NRXN3: variants seen among roughly 807,000 people sequenced by gnomAD.
NRXN3 encodes the protein neurexin III.
A neutral mutation model predicts 137.6 loss-of-function variants in NRXN3; 32 were observed. The ratio of observed to expected loss-of-function variants is 0.23; its 90% CI spans 0.18 to 0.31. NRXN3 has a LOEUF of 0.31. Among genes scored for constraint, NRXN3 ranks in the 10% least tolerant of loss-of-function variants. The pLI, the probability that NRXN3 is intolerant of heterozygous loss-of-function variation, is 1.00. For synonymous variants in NRXN3, 798 were observed against 784.5 expected (o/e 1.02, Z -0.29); for missense variants, 1,574 against 2,062.5 (o/e 0.76, Z 4.59).
chr14:79,127,098 G>C (rs1416003483), intron 15 of NRXN3, among the ~76,000 whole-genome samples: 3 of 152,006 alleles, frequency 2.0e-5, no homozygotes, highest in Admixed American at 6.6e-5. Flanking sequence ...TGAGTAGGTT[G>C]CGAAAATTTT....
At chr14:78,528,456 G>C (rs368026202) in intron 4 of NRXN3, among the ~76,000 whole-genome samples, 15 of 152,234 alleles carry the variant, frequency 9.9e-5, no homozygotes, top group African/African-American at 3.6e-4. Context: ...AGTGCGGGAT[G>C]GTTGTTTTAT....
chr14:78,961,734 A>G (rs1219874855), intron 11 of NRXN3, among the ~76,000 whole-genome samples: 1 of 152,230 alleles, frequency 6.6e-6, no homozygotes, highest in African/African-American at 2.4e-5. Context: ...AGCAGAATGC[A>G]AAGTCAGGCA....
rs78397792 is a variant in NRXN3, at chr14:79,050,232, G to A, written c.3262+62091G>A. 3.1e-3 allele frequency among the ~76,000 whole-genome samples: 474 copies of A among 152,124 alleles called. 1 individual carries two copies. Among genetic ancestry groups the A allele is most frequent in the African/African-American group, 0.011 (456 of 41,484 alleles). On this transcript the variant is annotated intron_variant, in intron 15 of 20. Transcript: ENST00000335750. ...ATGAATTGATGGCCCTTTATACTGC[G>A]GTTGGACTCTTCATTCAGATTTTTT...
intron 6 of NRXN3, among the ~76,000 whole-genome samples, chr14:78,658,124 T>C (rs1159516318): frequency 1.3e-5 from 2 of 152,190 alleles, no homozygotes; most frequent in African/African-American, 2.4e-5. Flanking sequence ...TAAATATTCC[T>C]TTTTCCTGTC....
chr14:79,474,063 G>A (rs187605740), intron 16 of NRXN3, among the ~76,000 whole-genome samples: 1 of 152,230 alleles, frequency 6.6e-6, no homozygotes, highest in East Asian at 1.9e-4. Flanking sequence ...GTTTTGAGAG[G>A]CAGCAAGCCA....
intron 10 of NRXN3, among the ~76,000 whole-genome samples, chr14:78,890,693 G>T (rs2099156465): frequency 6.6e-6 from 1 of 151,870 alleles, no homozygotes; most frequent in Non-Finnish European, 1.5e-5. Flanking sequence ...AAAAGGGAAG[G>T]TCCAATCCTA....
At chr14:79,379,725 T>C (rs938372813) in intron 15 of NRXN3, among the ~76,000 whole-genome samples, 13 of 152,156 alleles carry the variant, frequency 8.5e-5, no homozygotes, top group African/African-American at 2.7e-4. Flanking sequence ...GAGACTGGCA[T>C]GATGAGGCAA....
intron 19 of NRXN3, among the ~76,000 whole-genome samples, chr14:79,748,178 A>T (rs904410080): frequency 6.6e-6 from 1 of 151,856 alleles, no homozygotes; most frequent in Non-Finnish European, 1.5e-5. Context: ...CGTCCTGCAC[A>T]TGTAGCCTGG....
intron 15 of NRXN3, among the ~76,000 whole-genome samples, chr14:79,129,112 T>A (rs1447521002): frequency 6.6e-6 from 1 of 152,198 alleles, no homozygotes; most frequent in Non-Finnish European, 1.5e-5. Context: ...ATTTTGTTGA[T>A]CCTTTCAAAA....
At chr14:78,196,788 C>T (rs541501847) in intron 1 of NRXN3, among the ~76,000 whole-genome samples, 1 of 152,182 alleles carries the variant, frequency 6.6e-6, no homozygotes, top group Non-Finnish European at 1.5e-5. Context: ...GGAGGTCCAT[C>T]TTAGTTACAC....
chr14:79,526,148 A>G (rs2097117300), intron 16 of NRXN3, among the ~76,000 whole-genome samples: 1 of 152,146 alleles, frequency 6.6e-6, no homozygotes, highest in South Asian at 2.1e-4. Context: ...CCTGGGTTCA[A>G]GCAATTCTCC....
chr14:78,430,370 G>T (rs1262584663), intron 4 of NRXN3, among the ~76,000 whole-genome samples: 1 of 152,162 alleles, frequency 6.6e-6, no homozygotes, highest in Admixed American at 6.5e-5. Flanking sequence ...TATTTTTAGA[G>T]GCACTCTTCT....
At chr14:78,675,682 C>G (rs1456403923) in intron 6 of NRXN3, among the ~76,000 whole-genome samples, 1 of 152,154 alleles carries the variant, frequency 6.6e-6, no homozygotes, top group Non-Finnish European at 1.5e-5. Flanking sequence ...TCTAGTGTCA[C>G]AGGAAACAAC....
chr14:78,203,050 G>A (rs1038855518), intron 1 of NRXN3, among the ~76,000 whole-genome samples: 1 of 152,074 alleles, frequency 6.6e-6, no homozygotes, highest in South Asian at 2.1e-4. Context: ...TCAATACATG[G>A]GCATGTCAAG....
chr14:78,607,372 A>T lies in NRXN3; in HGVS notation c.758-37748A>T, dbSNP rs117638117. On this transcript the variant is annotated intron_variant, in intron 4 of 20. Coordinates refer to ENST00000335750, the MANE Select transcript of NRXN3 (RefSeq NM_001330195.2). Reference sequence around the variant, plus strand: ...CTGGCTCCTTTATTAATCCTAAAGGACCAAGGTGTAAGAACTCAGGCAGGA... The same window carrying T: ...CTGGCTCCTTTATTAATCCTAAAGGTCCAAGGTGTAAGAACTCAGGCAGGA... Among the ~76,000 whole-genome samples, 1,117 of 152,244 alleles carry T rather than the reference A, an allele frequency of 7.3e-3. 10 individuals carry two copies. The highest frequency in any genetic ancestry group is 0.01 in the Non-Finnish European group (694 of 67,996).
At chr14:79,465,529 T>C (rs1346105065) in intron 15 of NRXN3, among the ~76,000 whole-genome samples, 1 of 152,226 alleles carries the variant, frequency 6.6e-6, no homozygotes, top group East Asian at 1.9e-4. Context: ...TAATGAGTCT[T>C]AGTGCTTTAG....
At chr14:79,133,953 GA>G (rs200338457) in intron 15 of NRXN3, among the ~76,000 whole-genome samples, 2,306 of 28,442 alleles carry the variant, frequency 0.081, 73 homozygotes, top group African/African-American at 0.2. Context: ...AAAAAAAAAG[GA>G]AAGAAAAAAG....
rs376220566 is a variant in NRXN3, at chr14:78,803,717, G to A, written c.2142G>A (p.Met714Ile). The change falls in exon 9 of 21, where the codon ATG becomes ATA. Residue 714 changes from methionine (M) to isoleucine (I), a missense_variant. By Grantham distance (10) the Met-to-Ile change is conservative. This residue lies in a region of NRXN3 where 718 missense variants were observed against 887.6 expected (regional missense o/e 0.81). Transcript: ENST00000335750. ...TEAEDVSFRF[M>I]SQRAYGLLVA... is the part of the protein sequence containing the mutation. Reference sequence around the variant, plus strand: ...CAGAGGATGTGTCCTTCCGCTTCATGTCCCAGCGAGCTTATGGGCTGCTGG... The same window carrying A: ...CAGAGGATGTGTCCTTCCGCTTCATATCCCAGCGAGCTTATGGGCTGCTGG... 183 of 1,613,926 alleles carry A rather than the reference G, an allele frequency of 1.1e-4. No homozygotes were observed. The highest frequency in any genetic ancestry group is 1.5e-4 in the Non-Finnish European group (179 of 1,179,988).
At position 79,443,886 on chromosome 14, in the gene NRXN3, G is replaced by A. The variant is rs146209447; in HGVS notation, c.3263-23335G>A. ...TTAGAATACTTCCCCACTGGTTTTT[G>A]AGAAGTGAAAAGGATTAACATATAT... On this transcript the variant is annotated intron_variant, in intron 15 of 20. Coordinates refer to ENST00000335750, the MANE Select transcript of NRXN3 (RefSeq NM_001330195.2). Among the ~76,000 whole-genome samples, 5 of 152,268 alleles carry A rather than the reference G, an allele frequency of 3.3e-5. No individual in the cohort carries two copies. The East Asian group carries it at 9.6e-4, about 29-fold the overall frequency.
Sources: gnomAD v4.1 joint callset for allele counts (sites outside exome capture counted in the v4.1 genomes callset) on GRCh38, gnomAD v4.1.1 for gene constraint, gnomAD v4.1.1 regional missense constraint, MANE v1.5 for transcripts, NCBI Gene and HGNC (gene_info 2026-07-23, HGNC 2026-07-21) for gene names.